The following POLR3A variants were observed in gnomAD, a reference collection of about 807,000 sequenced individuals.
POLR3A encodes the protein RNA polymerase III subunit A.
A neutral mutation model predicts 152.8 loss-of-function variants in POLR3A; 112 were observed. The ratio of observed to expected loss-of-function variants is 0.73; its 90% CI spans 0.63 to 0.86. The LOEUF is 0.86. Ranked by LOEUF, POLR3A falls within the 40% of genes least tolerant of loss-of-function variation. The pLI is 0.00. For synonymous variants in POLR3A, 615 were observed against 652.1 expected, an observed-to-expected ratio of 0.94 and a Z score of 0.87; for missense variants, 1,385 against 1,743.1, an observed-to-expected ratio of 0.79 and a Z score of 3.66.
intron 1 of POLR3A, among the ~76,000 whole-genome samples, chr10:78,028,040 C>T (rs1359238330): frequency 6.6e-6 from 1 of 152,210 alleles, no homozygotes; most frequent in East Asian, 1.9e-4. Flanking sequence ...GACACCTGTT[C>T]TAGTGAATGG....
chr10:78,023,867 G>A (rs895732494), intron 5 of POLR3A, among the ~76,000 whole-genome samples: 9 of 151,994 alleles, frequency 5.9e-5, no homozygotes, highest in Non-Finnish European at 1.3e-4. Flanking sequence ...GCCAGGAATG[G>A]TGACCTATGC....
chr10:77,991,307 T>C, intron 20 of POLR3A, 140 bp from the exon 21 acceptor site: 1 of 687,676 alleles, frequency 1.5e-6, no homozygotes. Flanking sequence ...TCAAAACAAA[T>C]TGTGGACTCT....
intron 19 of POLR3A, among the ~76,000 whole-genome samples, chr10:77,999,498 A>C (rs1847334750): frequency 6.6e-6 from 1 of 152,168 alleles, no homozygotes; most frequent in Non-Finnish European, 1.5e-5. Flanking sequence ...CCCAGAGTCT[A>C]TTATCTCAGA....
At chr10:77,980,419 G>A (rs536522632) in intron 29 of POLR3A, 146 bp from the exon 30 acceptor site, 8 of 740,308 alleles carry the variant, frequency 1.1e-5, no homozygotes, top group African/African-American at 3.5e-5. Context: ...CTATGGGTCC[G>A]CCCTCTGTGT....
At chr10:77,986,297 A>G (rs1216556586) in intron 21 of POLR3A, 138 bp from the exon 22 acceptor site, 1 of 704,538 alleles carries the variant, frequency 1.4e-6, no homozygotes, top group Admixed American at 2.0e-5. Flanking sequence ...AAAGGACCCA[A>G]TCTGGATACT....
intron 8 of POLR3A, among the ~76,000 whole-genome samples, chr10:78,020,395 CA>C (rs1486869263): frequency 6.6e-6 from 1 of 151,638 alleles, no homozygotes; most frequent in East Asian, 1.9e-4. Context: ...GAGGCTGAGG[CA>C]TAAGAATGGC....
intron 8 of POLR3A, among the ~76,000 whole-genome samples, chr10:78,020,715 G>C (rs1327331128): frequency 6.6e-6 from 1 of 152,096 alleles, no homozygotes; most frequent in Non-Finnish European, 1.5e-5. Context: ...GTGAACCTGG[G>C]AGGTGGAGCT....
chr10:77,977,513 C>G lies in POLR3A; in HGVS notation c.4138G>C (p.Asp1380His). The G allele has an allele frequency of 6.2e-7, 1 of 1,614,060 alleles. No homozygotes were observed. The highest frequency in any genetic ancestry group is 8.5e-7 in the Non-Finnish European group (1 of 1,179,974). ...AGGGGGATGTGGAATTCATTTGTGT[C>G]GAAGATCAGGGGCCTCTTGGGAGGG... Reference protein sequence around the residue: ...PNPPKRPLIFDTNEFHIPLVT With the variant: ...PNPPKRPLIFHTNEFHIPLVT The change falls in exon 31 of 31, where the codon GAC (aspartate) becomes CAC (histidine). Residue 1380 changes from aspartate (D) to histidine (H), a missense_variant. This residue lies in a region of POLR3A where 332 missense variants were observed against 400.1 expected (regional missense o/e 0.83). Coordinates refer to ENST00000372371, the MANE Select transcript of POLR3A (RefSeq NM_007055.4).
chr10:77,977,102 C>T lies in POLR3A; in HGVS notation c.*376G>A, dbSNP rs903477663. On this transcript the variant is annotated 3_prime_UTR_variant, in exon 31 of 31. Coordinates refer to ENST00000372371, the MANE Select transcript of POLR3A (RefSeq NM_007055.4). ...TGTGTGGGGCTCAGGCCTGGCTCAT[C>T]GTCAGGTGTGAAGACACCATGGGGA... The T allele has an allele frequency of 3.2e-5, 9 of 284,296 alleles. No homozygotes were observed. Among genetic ancestry groups the T allele is most frequent in the African/African-American group, 1.3e-4 (6 of 46,182 alleles). The allele number at this position is 284,296 out of a possible 1,614,324, so 17.6% of individuals were successfully genotyped here.
In POLR3A at chr10:77,981,578, GAGC is replaced by G. The variant is rs1847142746; in HGVS notation, c.3760-22_3760-20del. On this transcript the variant is annotated intron_variant, in intron 28 of 30. Coordinates refer to ENST00000372371, the MANE Select transcript of POLR3A (RefSeq NM_007055.4). ...TCTCCACCTACAGAGAGCCAGTAAT[GAGC>G]AGAAGCAGCCCCTTCCGGGAGGCCA... The G allele has an allele frequency of 3.7e-6, 6 of 1,613,862 alleles. No individual in the cohort carries two copies. The South Asian group carries it at 6.6e-5, about 18-fold the overall frequency.
intron 30 of POLR3A, 31 bp from the exon 31 acceptor site, chr10:77,977,657 C>G: frequency 6.3e-7 from 1 of 1,588,856 alleles, no homozygotes; most frequent in Non-Finnish European, 8.6e-7. Context: ...CATCAGAGAG[C>G]CTCTAAACAC....
At chr10:78,023,646 T>C (rs1208765206) in intron 5 of POLR3A, among the ~76,000 whole-genome samples, 1 of 151,054 alleles carries the variant, frequency 6.6e-6, no homozygotes, top group Non-Finnish European at 1.5e-5. Context: ...GGGGTGGTGG[T>C]GTGTGCCTGT....
intron 28 of POLR3A, 108 bp downstream of exon 28, chr10:77,982,046 A>AAG: frequency 5.6e-5 from 35 of 627,922 alleles, no homozygotes; most frequent in Non-Finnish European, 6.7e-5. Context: ...CTCAAAAAAA[A>AAG]AAAAAAAAAA....
intron 2 of POLR3A, 78 bp downstream of exon 2, chr10:78,026,016 G>A: frequency 6.4e-7 from 1 of 1,564,204 alleles, no homozygotes; most frequent in South Asian, 1.1e-5. Flanking sequence ...GGAAGCCCCT[G>A]CTCCTTTCAA....
chr10:78,019,077 G>A (rs1847552727), intron 9 of POLR3A, 85 bp downstream of exon 9: 1 of 943,372 alleles, frequency 1.1e-6, no homozygotes, highest in African/African-American at 1.6e-5. Flanking sequence ...CTGTATTTCT[G>A]GATTGCATTC....
intron 19 of POLR3A, among the ~76,000 whole-genome samples, chr10:77,997,608 G>A (rs1487468509): frequency 6.6e-6 from 1 of 152,096 alleles, no homozygotes; most frequent in Admixed American, 6.6e-5. Flanking sequence ...GGGATGTGAA[G>A]GACCTCTTCA....
At chr10:78,021,736 G>A in intron 7 of POLR3A, 54 bp from the exon 8 acceptor site, 1 of 1,611,744 alleles carries the variant, frequency 6.2e-7, no homozygotes, top group African/African-American at 1.3e-5. Flanking sequence ...GTGCTCATGG[G>A]AACAATAAGA....
rs1408335505 is a variant in POLR3A at position 77,980,126 on chromosome 10, A to G, written c.4024+15T>C. On this transcript the variant is annotated intron_variant, in intron 30 of 30. Transcript: ENST00000372371. ...TAAAGGCCTTTGATGCTGTTCATAG[A>G]AACATCAAACCTACCACACACAGAG... The G allele has an allele frequency of 1.2e-6, 2 of 1,612,520 alleles. No homozygotes were observed. Among genetic ancestry groups the G allele is most frequent in the East Asian group, 2.2e-5 (1 of 44,890 alleles).
At chr10:78,012,679 T>C (rs1202830217) in intron 11 of POLR3A, among the ~76,000 whole-genome samples, 1 of 151,818 alleles carries the variant, frequency 6.6e-6, no homozygotes, top group Non-Finnish European at 1.5e-5. Context: ...CACTGTGCTA[T>C]TGCTGGGTCA....
Sources: gnomAD v4.1 joint callset for allele counts (sites outside exome capture counted in the v4.1 genomes callset) on GRCh38, gnomAD v4.1.1 for gene constraint, gnomAD v4.1.1 regional missense constraint, MANE v1.5 for transcripts, NCBI Gene and HGNC (gene_info 2026-07-23, HGNC 2026-07-21) for gene names.